Variants in PATJ observed in about 807,000 individuals in gnomAD.
The protein encoded by PATJ is inaD-like protein.
In PATJ, 190 loss-of-function variants were observed where a neutral mutation model predicts 224.9. The ratio of observed to expected loss-of-function variants is 0.84; its 90% CI spans 0.75 to 0.95. The LOEUF is 0.95. PATJ is among the 40% of genes least tolerant of loss of function. PATJ has a pLI of 0.00. For missense variants in PATJ, 2,121 were observed against 2,270.3 expected, an observed-to-expected ratio of 0.93 and a Z score of 1.34; for synonymous variants, 769 against 820.3, an observed-to-expected ratio of 0.94 and a Z score of 1.07.
chr1:61,978,587 TAC>T (rs1186611969), intron 27 of PATJ, among the ~76,000 whole-genome samples: 2 of 152,018 alleles, frequency 1.3e-5, no homozygotes, highest in Non-Finnish European at 2.9e-5. Flanking sequence ...TCTGATAAGT[TAC>T]AGTTTCTTTT....
At chr1:62,149,128 C>CCAAAA (rs1553281846) in intron 42 of PATJ, among the ~76,000 whole-genome samples, 1 of 60,440 alleles carries the variant, frequency 1.7e-5, no homozygotes, top group African/African-American at 5.7e-5. Flanking sequence ...AACTCCATCT[C>CCAAAA]AAAAAAAAAA....
intron 22 of PATJ, among the ~76,000 whole-genome samples, chr1:61,895,607 C>T (rs1351829368): frequency 6.6e-6 from 1 of 152,228 alleles, no homozygotes; most frequent in Non-Finnish European, 1.5e-5. Flanking sequence ...TTGGGAGCCT[C>T]TGCCTAGATT....
chr1:61,896,598 A>G (rs531510052), intron 22 of PATJ, among the ~76,000 whole-genome samples: 1 of 152,276 alleles, frequency 6.6e-6, no homozygotes, highest in African/African-American at 2.4e-5. Context: ...TAAAATGTGA[A>G]AAGTACATGA....
intron 29 of PATJ, among the ~76,000 whole-genome samples, chr1:62,030,002 A>G (rs1428973284): frequency 6.6e-6 from 1 of 152,176 alleles, no homozygotes; most frequent in Non-Finnish European, 1.5e-5. Context: ...GTTGAGAGGG[A>G]GCAATTTGGA....
At chr1:62,059,450 C>T (rs547958239) in intron 31 of PATJ, among the ~76,000 whole-genome samples, 6 of 151,772 alleles carry the variant, frequency 4.0e-5, no homozygotes, top group South Asian at 4.2e-4. Flanking sequence ...AGTGAAACCC[C>T]GTCTCTACTA....
chr1:61,824,240 T>C (rs1049980328), intron 15 of PATJ, among the ~76,000 whole-genome samples: 1 of 151,876 alleles, frequency 6.6e-6, no homozygotes, highest in Non-Finnish European at 1.5e-5. Context: ...TCACTTTTTT[T>C]TTTTTTTCGA....
intron 27 of PATJ, among the ~76,000 whole-genome samples, chr1:61,962,161 G>C (rs368488848): frequency 6.6e-6 from 1 of 151,878 alleles, no homozygotes; most frequent in South Asian, 2.1e-4. Flanking sequence ...TACTTCCACA[G>C]CCTACCATGA....
intron 29 of PATJ, among the ~76,000 whole-genome samples, chr1:62,019,475 C>T (rs7534748): frequency 0.13 from 19,102 of 151,654 alleles, 1,345 homozygotes; most frequent in Middle Eastern, 0.23. Context: ...GCCGAGATCA[C>T]GCCACTGCAC....
intron 27 of PATJ, among the ~76,000 whole-genome samples, chr1:61,929,818 A>G (rs1266403315): frequency 6.6e-6 from 1 of 152,186 alleles, no homozygotes; most frequent in Non-Finnish European, 1.5e-5. Flanking sequence ...TCAGGAGTTC[A>G]AGACTAGCCT....
Position 62,084,663 on chromosome 1 carries a change from A to G in PATJ, c.4377+15A>G. ...ACACACCCTTGGTAAGTTTCTAGAA[A>G]TAAAATGTATCCACTGTCATAGAAC... On this transcript the variant is annotated intron_variant, in intron 33 of 43. Coordinates refer to ENST00000642238, the MANE Select transcript of PATJ (RefSeq NM_001350145.3). 1 of 1,611,858 alleles carries G rather than the reference A, an allele frequency of 6.2e-7. No homozygotes were observed. Among genetic ancestry groups the G allele is most frequent in the Non-Finnish European group, 8.5e-7 (1 of 1,179,132 alleles).
intron 30 of PATJ, among the ~76,000 whole-genome samples, chr1:62,048,962 G>A (rs1653075283): frequency 6.6e-6 from 1 of 152,072 alleles, no homozygotes; most frequent in Non-Finnish European, 1.5e-5. Flanking sequence ...TTCTGGATAA[G>A]GGATACTTAA....
intron 7 of PATJ, among the ~76,000 whole-genome samples, chr1:61,783,583 ATTTT>A (rs1471252672): frequency 6.6e-6 from 1 of 151,246 alleles, no homozygotes; most frequent in East Asian, 1.9e-4. Context: ...ACCTGGATTC[ATTTT>A]TTAGTTTTTG....
chr1:62,087,253 C>G (rs1322974213), intron 33 of PATJ, among the ~76,000 whole-genome samples: 1 of 151,996 alleles, frequency 6.6e-6, no homozygotes, highest in Non-Finnish European at 1.5e-5. Context: ...CCAGCTGGCT[C>G]TTCTCTAAAG....
chr1:61,828,372 T>A (rs1332144793), intron 16 of PATJ, among the ~76,000 whole-genome samples: 2 of 151,780 alleles, frequency 1.3e-5, no homozygotes, highest in South Asian at 2.1e-4. Flanking sequence ...TTATTTATTT[T>A]TTTAAAGAGC....
At chr1:61,756,838 C>T (rs1570284421) in intron 1 of PATJ, among the ~76,000 whole-genome samples, 1 of 151,948 alleles carries the variant, frequency 6.6e-6, no homozygotes. Context: ...TCCCAAAATG[C>T]TGGGATTATA....
Position 61,833,647 on chromosome 1 carries a change from A to G in PATJ, c.1981-7A>G. 6.2e-7 allele frequency: 1 copy of G among 1,603,686 alleles called. No homozygotes were observed. Among genetic ancestry groups the G allele is most frequent in the Non-Finnish European group, 8.5e-7 (1 of 1,176,020 alleles). On this transcript the variant is annotated splice_polypyrimidine_tract_variant and splice_region_variant and intron_variant, in intron 16 of 43. Transcript: ENST00000642238. ...TTTTGAAGCATTTATCTTCTTTGGT[A>G]TTTCAGGTTGACCACAATATGGATG...
At chr1:61,777,902 C>G (rs35755728) in intron 7 of PATJ, among the ~76,000 whole-genome samples, 19,048 of 151,376 alleles carry the variant, frequency 0.13, 1,243 homozygotes, top group African/African-American at 0.15. Flanking sequence ...TTTTTTGAGA[C>G]AGGGTCTCAC....
intron 31 of PATJ, among the ~76,000 whole-genome samples, chr1:62,066,061 A>G (rs1558119643): frequency 6.6e-6 from 1 of 152,212 alleles, no homozygotes; most frequent in Admixed American, 6.5e-5. Context: ...GCAAGTTTGT[A>G]TTGAGGGCCA....
chr1:61,811,922 G>A (rs968824440), intron 14 of PATJ, among the ~76,000 whole-genome samples: 1 of 151,458 alleles, frequency 6.6e-6, no homozygotes, highest in East Asian at 2.0e-4. Flanking sequence ...TTAGCCGGGC[G>A]TGGTGGCGGG....
Sources: gnomAD v4.1 joint callset for allele counts (sites outside exome capture counted in the v4.1 genomes callset) on GRCh38, gnomAD v4.1.1 for gene constraint, MANE v1.5 for transcripts, NCBI Gene and HGNC (gene_info 2026-07-23, HGNC 2026-07-21) for gene names.